PKIG: variants seen among roughly 807,000 people sequenced by gnomAD.
PKIG encodes the protein cAMP-dependent protein kinase inhibitor gamma, also known as protein kinase (cAMP-dependent, catalytic) inhibitor gamma.
In PKIG, 1 loss-of-function variant was observed where a neutral mutation model predicts 6.8. That is an observed-to-expected ratio of 0.15 (90% confidence interval 0.05 to 0.69). PKIG has a LOEUF of 0.69. Among genes scored for constraint, PKIG ranks in the 30% least tolerant of loss-of-function variants. The probability of loss-of-function intolerance (pLI) is 0.82; values close to 1 mark genes in which losing one functional copy is unlikely to be tolerated. For missense variants in PKIG, 77 were observed against 104.0 expected, an observed-to-expected ratio of 0.74 and a Z score of 1.13; for synonymous variants, 39 against 43.0, an observed-to-expected ratio of 0.91 and a Z score of 0.36.
At chr20:44,554,428 C>T (rs997211573) in intron 1 of PKIG, among the ~76,000 whole-genome samples, 1 of 152,140 alleles carries the variant, frequency 6.6e-6, no homozygotes, top group Non-Finnish European at 1.5e-5. Flanking sequence ...GTGAAATGCT[C>T]ATGACAAATG....
intron 1 of PKIG, among the ~76,000 whole-genome samples, chr20:44,571,584 T>C (rs1231485236): frequency 1.3e-5 from 2 of 152,216 alleles, no homozygotes; most frequent in Non-Finnish European, 2.9e-5. Flanking sequence ...CCAACATGCA[T>C]GTTAACTAAC....
intron 1 of PKIG, among the ~76,000 whole-genome samples, chr20:44,552,465 T>G (rs2064677679): frequency 6.6e-6 from 1 of 152,202 alleles, no homozygotes; most frequent in Admixed American, 6.5e-5. Flanking sequence ...TCTTGATAAT[T>G]GGAGTAGCCT....
rs577494772 is a variant in PKIG, at chr20:44,563,332, T to C, written c.-240-19253T>C. 3.3e-5 allele frequency among the ~76,000 whole-genome samples: 5 copies of C among 152,258 alleles called. No individual in the cohort carries two copies. In the South Asian group the frequency reaches 1.0e-3, roughly 32 times the overall value. On this transcript the variant is annotated intron_variant, in intron 1 of 4. Coordinates refer to the PKIG transcript ENST00000372887. ...CAATCCAATATTTTACTTATTATTG[T>C]AGTATAACAAACTACCAAAGTTTTG...
chr20:44,534,809 AC>A (rs1367757450), intron 1 of PKIG, among the ~76,000 whole-genome samples: 1 of 152,090 alleles, frequency 6.6e-6, no homozygotes, highest in African/African-American at 2.4e-5. Flanking sequence ...GTTTACAACA[AC>A]CCTGTGAGAT....
intron 1 of PKIG, among the ~76,000 whole-genome samples, chr20:44,573,033 G>C (rs905704548): frequency 6.6e-6 from 1 of 152,218 alleles, no homozygotes; most frequent in African/African-American, 2.4e-5. Context: ...AAGCACAGAA[G>C]TTCTTTTTTC....
chr20:44,543,316 C>CTT (rs573482153), intron 1 of PKIG, among the ~76,000 whole-genome samples: 1 of 144,266 alleles, frequency 6.9e-6, no homozygotes. Flanking sequence ...ATACAGTAAA[C>CTT]TTTTTTTTTT....
intron 1 of PKIG, among the ~76,000 whole-genome samples, chr20:44,563,676 C>T (rs548277599): frequency 6.6e-5 from 10 of 152,264 alleles, no homozygotes; most frequent in African/African-American, 2.2e-4. Context: ...ACTACAGGCA[C>T]ATGCCACCAC....
At chr20:44,569,692 G>A (rs1161037816) in intron 1 of PKIG, among the ~76,000 whole-genome samples, 3 of 151,836 alleles carry the variant, frequency 2.0e-5, no homozygotes, top group Non-Finnish European at 4.4e-5. Flanking sequence ...CTGCAACCTC[G>A]GCCTCCCGAG....
intron 1 of PKIG, among the ~76,000 whole-genome samples, chr20:44,567,434 C>A (rs1165990088): frequency 6.6e-6 from 1 of 152,238 alleles, no homozygotes; most frequent in East Asian, 1.9e-4. Flanking sequence ...TTTCATCTCG[C>A]TGTTCTAAAA....
chr20:44,534,833 A>G (rs2064498474), intron 1 of PKIG, among the ~76,000 whole-genome samples: 1 of 152,112 alleles, frequency 6.6e-6, no homozygotes, highest in Non-Finnish European at 1.5e-5. Context: ...GCCCTCTAAT[A>G]ATTGCAAATT....
intron 1 of PKIG, among the ~76,000 whole-genome samples, chr20:44,538,344 T>C (rs182065653): frequency 1.3e-5 from 2 of 152,310 alleles, no homozygotes; most frequent in Admixed American, 1.3e-4. Context: ...AATGAGAAAA[T>C]TGAAGATCAG....
intron 1 of PKIG, among the ~76,000 whole-genome samples, chr20:44,541,076 C>T (rs754545653): frequency 1.3e-5 from 2 of 152,188 alleles, no homozygotes; most frequent in Admixed American, 6.5e-5. Flanking sequence ...CATGGGAATT[C>T]AGCGGAGGGA....
chr20:44,569,972 GA>G (rs1307105675), intron 1 of PKIG, among the ~76,000 whole-genome samples: 1 of 152,126 alleles, frequency 6.6e-6, no homozygotes, highest in Non-Finnish European at 1.5e-5. Flanking sequence ...CACAGGAAAT[GA>G]AAAAAATTAG....
At position 44,617,425 on chromosome 20, in the gene PKIG, G is replaced by A. The variant is rs190829812; in HGVS notation, c.152-860G>A. 1.1e-4 allele frequency among the ~76,000 whole-genome samples: 17 copies of A among 152,262 alleles called. No homozygotes were observed. The East Asian group carries it at 3.1e-3, about 28-fold the overall frequency. On this transcript the variant is annotated intron_variant, in intron 3 of 3. Coordinates refer to ENST00000372886, the MANE Select transcript of PKIG (RefSeq NM_001281445.2). ...GCCTGAGGAGGAAAGCATGGAGACT[G>A]GGGCCTGGGTGTGAGTTTGGCACTC... is the stretch of plus-strand genomic sequence containing the variant.
chr20:44,580,937 T>A (rs2064942762), upstream of PKIG, among the ~76,000 whole-genome samples: 1 of 152,160 alleles, frequency 6.6e-6, no homozygotes, highest in Non-Finnish European at 1.5e-5. Flanking sequence ...AGGGAGTTAG[T>A]TGAAGCCCAG....
intron 1 of PKIG, among the ~76,000 whole-genome samples, chr20:44,568,182 A>G (rs1003933523): frequency 2.0e-5 from 3 of 152,152 alleles, no homozygotes; most frequent in African/African-American, 7.2e-5. Context: ...TGTCTCTCTC[A>G]TTTATAAGTC....
At chr20:44,610,226 C>T (rs780941436) in intron 2 of PKIG, among the ~76,000 whole-genome samples, 2 of 152,166 alleles carry the variant, frequency 1.3e-5, no homozygotes, top group South Asian at 2.1e-4. Flanking sequence ...CTATTTTACA[C>T]AGGGGAAATG....
At chr20:44,573,229 C>A (rs1249552403) in intron 1 of PKIG, among the ~76,000 whole-genome samples, 3 of 152,258 alleles carry the variant, frequency 2.0e-5, no homozygotes, top group Admixed American at 2.0e-4. Context: ...CAACTGAGGA[C>A]AGTCCATAGT....
At chr20:44,596,610 A>G (rs537616152) in intron 2 of PKIG, among the ~76,000 whole-genome samples, 6 of 152,288 alleles carry the variant, frequency 3.9e-5, no homozygotes, top group African/African-American at 1.4e-4. Context: ...GTATTTACCT[A>G]TGTAGCAAGT....
Sources: gnomAD v4.1 joint callset for allele counts (sites outside exome capture counted in the v4.1 genomes callset) on GRCh38, gnomAD v4.1.1 for gene constraint, MANE v1.5 for transcripts, NCBI Gene and HGNC (gene_info 2026-07-23, HGNC 2026-07-21) for gene names.